TTC39B: variants seen among roughly 807,000 people sequenced by gnomAD.
The protein encoded by TTC39B is tetratricopeptide repeat protein 39B.
Under a neutral mutation model 96.6 loss-of-function variants are expected in TTC39B, and 92 were observed. That is an observed-to-expected ratio of 0.95 (90% CI 0.80 to 1.13). The LOEUF (loss-of-function observed/expected upper bound fraction) is 1.13. Among genes scored for constraint, TTC39B ranks in the 50% most tolerant of loss-of-function variants. The pLI, the probability that TTC39B is intolerant of heterozygous loss-of-function variation, is 0.00. For synonymous variants in TTC39B, 367 were observed against 299.4 expected (o/e 1.23, Z -2.33); for missense variants, 955 against 809.3 (o/e 1.18, Z -2.18).
intron 3 of TTC39B, among the ~76,000 whole-genome samples, chr9:15,216,404 T>C (rs1391246461): frequency 6.6e-6 from 1 of 152,150 alleles, no homozygotes; most frequent in African/African-American, 2.4e-5. Flanking sequence ...TCCTCTAGGA[T>C]GGAGTAGAAC....
exon 20 of TTC39B, chr9:15,166,999 TATATATATATATATATATATA>T (rs1564299691): frequency 0.024 from 155 of 6,450 alleles, 8 homozygotes; most frequent in African/African-American, 0.067. Flanking sequence ...TATATATATA[TATATATATATATATATATATA>T]TATATATATT....
chr9:15,185,462 T>G, intron 15 of TTC39B, 56 bp from the exon 16 acceptor site: 1 of 1,604,006 alleles, frequency 6.2e-7, no homozygotes, highest in Non-Finnish European at 8.5e-7. Context: ...CATACATTAT[T>G]TGTACCTGTG....
chr9:15,183,265 T>C lies in TTC39B; in HGVS notation c.1615-850A>G, dbSNP rs1322512230. 6 of 374,028 alleles carry C rather than the reference T, an allele frequency of 1.6e-5. 1 individual carries two copies. Among genetic ancestry groups the C allele is most frequent in the South Asian group, 5.9e-5 (3 of 50,876 alleles). 23.2% of individuals were successfully genotyped at this position (374,028 alleles called of 1,614,324 possible). ...CTTATGGCACCGAAAACTAAGATCA[T>C]GACACTCTACCTTCAATTTTACATG... On this transcript the variant is annotated intron_variant, in intron 16 of 19. Transcript: ENST00000512701.
Position 15,275,447 on chromosome 9 carries a change from A to G in TTC39B, c.241-7499T>C, listed in dbSNP as rs956671941. 2.0e-5 allele frequency among the ~76,000 whole-genome samples: 3 copies of G among 152,226 alleles called. No homozygotes were observed. In the South Asian group the frequency reaches 6.2e-4, roughly 31 times the overall value. ...TTTTTACCAAAAAATCACAGATCTAATAGTAGAAACTGGGGATATGGAGTA... is the reference window on the plus strand; with the variant it reads ...TTTTTACCAAAAAATCACAGATCTAGTAGTAGAAACTGGGGATATGGAGTA... On this transcript the variant is annotated intron_variant, in intron 1 of 19. Coordinates refer to ENST00000512701, the Ensembl canonical transcript of TTC39B.
At chr9:15,202,426 T>C (rs867203953) in intron 7 of TTC39B, among the ~76,000 whole-genome samples, 18 of 152,110 alleles carry the variant, frequency 1.2e-4, no homozygotes, top group Non-Finnish European at 1.5e-4. Context: ...ATTCAAAAGA[T>C]TGTGGCTGGG....
At chr9:15,176,411 C>T (rs1432747506) in intron 18 of TTC39B, among the ~76,000 whole-genome samples, 1 of 152,102 alleles carries the variant, frequency 6.6e-6, no homozygotes, top group African/African-American at 2.4e-5. Flanking sequence ...TTACTAAAGA[C>T]AGTACATTTG....
exon 20 of TTC39B, chr9:15,167,700 C>G (rs1248856598): frequency 6.6e-6 from 1 of 152,246 alleles, no homozygotes; most frequent in Non-Finnish European, 1.5e-5. Context: ...TGCAGTGAGC[C>G]TAGATCGTGC....
rs557669991 is a variant in TTC39B at position 15,258,682 on chromosome 9, G to T, written c.275+9232C>A. Among the ~76,000 whole-genome samples the T allele has an allele frequency of 4.7e-4, 72 of 152,316 alleles. 1 individual carries two copies. The highest frequency in any genetic ancestry group is 9.3e-4 in the Non-Finnish European group (63 of 68,032). On this transcript the variant is annotated intron_variant, in intron 2 of 19. Transcript: ENST00000512701. ...GAAAGTCAGAGAGGACACTGAGCCTGCAGAAAGGCAACCACAGTCACAAAG... is the reference window on the plus strand; with the variant it reads ...GAAAGTCAGAGAGGACACTGAGCCTTCAGAAAGGCAACCACAGTCACAAAG...
Position 15,283,724 on chromosome 9 carries a change from C to T in TTC39B, c.241-15776G>A, listed in dbSNP as rs145508900. Reference sequence around the variant, plus strand: ...TAATAAAGAATACAGACAGGGATTCCTGTGCATATCGGAATTTTATTATTC... The same window carrying T: ...TAATAAAGAATACAGACAGGGATTCTTGTGCATATCGGAATTTTATTATTC... On this transcript the variant is annotated intron_variant, in intron 1 of 19. Coordinates refer to ENST00000512701, the Ensembl canonical transcript of TTC39B. 2.2e-4 allele frequency among the ~76,000 whole-genome samples: 33 copies of T among 152,198 alleles called. 1 individual carries two copies. Among genetic ancestry groups the T allele is most frequent in the African/African-American group, 7.5e-4 (31 of 41,520 alleles).
chr9:15,302,884 A>G (rs1234282595), intron 1 of TTC39B, among the ~76,000 whole-genome samples: 1 of 151,340 alleles, frequency 6.6e-6, no homozygotes, highest in East Asian at 1.9e-4. Flanking sequence ...AGCTATGAAC[A>G]TTTGGCCGGG....
intron 19 of TTC39B, among the ~76,000 whole-genome samples, chr9:15,173,184 A>G (rs1327046347): frequency 1.3e-5 from 2 of 152,180 alleles, no homozygotes; most frequent in African/African-American, 2.4e-5. Flanking sequence ...GAACAGCAGC[A>G]TTTATAATCC....
chr9:15,279,893 T>C (rs13298763), intron 1 of TTC39B, among the ~76,000 whole-genome samples: 1 of 77,976 alleles, frequency 1.3e-5, no homozygotes, highest in Admixed American at 1.1e-4. Context: ...TTTTCTTTTC[T>C]TTTTTTTTTT....
chr9:15,253,378 C>T (rs1310883647), intron 2 of TTC39B, among the ~76,000 whole-genome samples: 1 of 152,118 alleles, frequency 6.6e-6, no homozygotes, highest in Non-Finnish European at 1.5e-5. Context: ...CAGGATGTGG[C>T]CAAGAGCCAA....
At chr9:15,164,526 A>T (rs1296645126) in exon 20 of TTC39B, 1 of 152,208 alleles carries the variant, frequency 6.6e-6, no homozygotes, top group Non-Finnish European at 1.5e-5. Context: ...CCCAAATGAA[A>T]CATCTACAAA....
chr9:15,253,384 G>C (rs1012679184), intron 2 of TTC39B, among the ~76,000 whole-genome samples: 1 of 152,218 alleles, frequency 6.6e-6, no homozygotes, highest in African/African-American at 2.4e-5. Context: ...GTGGCCAAGA[G>C]CCAAAGAATG....
chr9:15,227,146 A>G lies in TTC39B; in HGVS notation c.276-1134T>C, dbSNP rs143915389. On this transcript the variant is annotated intron_variant, in intron 2 of 19. Transcript: ENST00000512701. ...ACATGGTGAAACTCCGTCTCTACTAAAAATACAAAAATTAGCCAGGTATCG... is the reference window on the plus strand; with the variant it reads ...ACATGGTGAAACTCCGTCTCTACTAGAAATACAAAAATTAGCCAGGTATCG... Among the ~76,000 whole-genome samples the G allele has an allele frequency of 4.8e-3, 726 of 152,218 alleles. 6 individuals are homozygous for G. Among genetic ancestry groups the G allele is most frequent in the African/African-American group, 0.016 (648 of 41,520 alleles).
chr9:15,288,357 C>T (rs757853923), intron 1 of TTC39B, among the ~76,000 whole-genome samples: 10 of 152,090 alleles, frequency 6.6e-5, no homozygotes, highest in East Asian at 1.9e-4. Context: ...CCCATATAAA[C>T]GCCAAAACCC....
intron 5 of TTC39B, among the ~76,000 whole-genome samples, chr9:15,210,664 T>C (rs1820143428): frequency 6.6e-6 from 1 of 152,156 alleles, no homozygotes; most frequent in African/African-American, 2.4e-5. Context: ...CTCCCATCCA[T>C]CTGATCAGGG....
At chr9:15,268,807 CACATG>C (rs1318140099) in intron 1 of TTC39B, among the ~76,000 whole-genome samples, 2 of 152,220 alleles carry the variant, frequency 1.3e-5, no homozygotes, top group African/African-American at 4.8e-5. Flanking sequence ...TTCAATTCTT[CACATG>C]ACAACAATAT....
Sources: allele counts gnomAD v4.1 joint callset (sites outside exome capture counted in the v4.1 genomes callset), GRCh38; gene constraint gnomAD v4.1.1; transcripts MANE v1.5; gene names NCBI Gene and HGNC (gene_info 2026-07-23, HGNC 2026-07-21).